Variants in CIAO3 observed in about 807,000 individuals in gnomAD.
CIAO3 encodes the protein cytosolic iron-sulfur assembly component 3.
CIAO3 carries 45 observed loss-of-function variants against 51.5 expected under a neutral mutation model. The ratio of observed to expected loss-of-function variants is 0.87; its 90% CI spans 0.69 to 1.12. CIAO3 has a LOEUF of 1.12. CIAO3 is among the 50% of genes most tolerant of loss of function. The probability of loss-of-function intolerance (pLI) is 0.00; values close to 1 mark genes in which losing one functional copy is unlikely to be tolerated. For missense variants in CIAO3, 668 were observed against 632.5 expected, an observed-to-expected ratio of 1.06 and a Z score of -0.60; for synonymous variants, 314 against 269.3, an observed-to-expected ratio of 1.17 and a Z score of -1.63.
chr16:732,644 C>CT (rs36119940), intron 7 of CIAO3: 103,147 of 426,668 alleles, frequency 0.24, 8,891 homozygotes, highest in East Asian at 0.62. Context: ...GTCTGCTTTT[C>CT]TTTTTTTTTT....
Position 736,269 on chromosome 16 carries a change from T to C in CIAO3, c.436A>G (p.Ile146Val). The C allele has an allele frequency of 1.9e-6, 3 of 1,612,554 alleles. No homozygotes were observed. The highest frequency in any genetic ancestry group is 2.5e-6 in the Non-Finnish European group (3 of 1,179,660). Residue 146 changes from isoleucine to valine, a missense_variant, in exon 4 of 11, where the codon ATA becomes GTA. Ile to Val is a conservative substitution (Grantham distance 29). Coordinates refer to ENST00000251588, the MANE Select transcript of CIAO3 (RefSeq NM_022493.3). Reference protein sequence around the residue: ...ARKLTSFFKKIGVHFVFDTAF... With the variant: ...ARKLTSFFKKVGVHFVFDTAF... The stretch of plus-strand genomic sequence containing the variant: ...TTACCCCAGGTTCAAAGCCTACCTA[T>C]TTTTTTAAAGAATGAGGTTAATTTC...
rs772004348 is a variant in CIAO3 at position 734,361 on chromosome 16, G to T, written c.575-14C>A. 5 of 1,589,078 alleles carry T rather than the reference G, an allele frequency of 3.1e-6. No homozygotes were observed. Among genetic ancestry groups the T allele is most frequent in the Middle Eastern group, 1.8e-4 (1 of 5,712 alleles). ...AGCAGATCCAGCCTGAGGTGACAGG[G>T]GGCACACGGGGCTGGCGGGGGCGCA... is the stretch of plus-strand genomic sequence containing the variant. On this transcript the variant is annotated splice_polypyrimidine_tract_variant and intron_variant, in intron 5 of 10. Coordinates refer to ENST00000251588, the MANE Select transcript of CIAO3 (RefSeq NM_022493.3).
intron 6 of CIAO3, chr16:733,867 C>T (rs1446101383): frequency 2.7e-6 from 1 of 369,882 alleles, no homozygotes; most frequent in East Asian, 6.6e-5. Flanking sequence ...CCGCCCCCTG[C>T]TGGCTGAGTG....
chr16:734,581 A>T, intron 5 of CIAO3, 156 bp downstream of exon 5: 1 of 1,378,802 alleles, frequency 7.3e-7, no homozygotes. Flanking sequence ...CCTCTTCTCC[A>T]GAAAAGGCCA....
chr16:737,738 G>C lies in CIAO3; in HGVS notation c.163-409C>G, dbSNP rs12597563. On this transcript the variant is annotated intron_variant, in intron 2 of 10. Coordinates refer to ENST00000251588, the MANE Select transcript of CIAO3 (RefSeq NM_022493.3). This position sits in a 1 kb window ranked among gnomAD's most constrained non-coding sequence, Gnocchi z 5.3. ...GAAAGCTGAGGACAAAGGAGGAAAGGACGAAGGCACAGGAAGAGGAGAGCA... is the reference window on the plus strand; with the variant it reads ...GAAAGCTGAGGACAAAGGAGGAAAGCACGAAGGCACAGGAAGAGGAGAGCA... 285,903 of 1,280,366 alleles carry C rather than the reference G, an allele frequency of 0.22. 39,947 individuals are homozygous for C. The highest frequency in any genetic ancestry group is 0.78 in the East Asian group (14,032 of 17,982). 79.3% of individuals were successfully genotyped at this position (1,280,366 alleles called of 1,614,324 possible).
chr16:737,159 A>G lies in CIAO3; in HGVS notation c.306+27T>C. On this transcript the variant is annotated intron_variant, in intron 3 of 10. Coordinates refer to ENST00000251588, the MANE Select transcript of CIAO3 (RefSeq NM_022493.3). This position sits in a 1 kb window ranked among gnomAD's most constrained non-coding sequence, Gnocchi z 5.3. ...GCTGGGATGGATTTCAGGTTAAAGCAGAGTCACCAGGCCGACCACTGCTTA... is the reference window on the plus strand; with the variant it reads ...GCTGGGATGGATTTCAGGTTAAAGCGGAGTCACCAGGCCGACCACTGCTTA... The G allele has an allele frequency of 6.2e-7, 1 of 1,613,004 alleles. No individual in the cohort carries two copies. The highest frequency in any genetic ancestry group is 1.1e-5 in the South Asian group (1 of 91,070).
Position 734,519 on chromosome 16 carries a change from G to A in CIAO3, c.575-172C>T, listed in dbSNP as rs527863565. On this transcript the variant is annotated intron_variant, in intron 5 of 10. Coordinates refer to ENST00000251588, the MANE Select transcript of CIAO3 (RefSeq NM_022493.3). ...ACCACGCGGAGCTCGGCGTGCAGGC[G>A]ACACCGCCTAGGGACCTGAGGTGAC... 5.5e-5 allele frequency: 50 copies of A among 917,052 alleles called. No individual in the cohort carries two copies. In the East Asian group the frequency reaches 8.7e-4, roughly 16 times the overall value. 56.8% of individuals were successfully genotyped at this position (917,052 alleles called of 1,614,324 possible).
rs765534572 is a variant in CIAO3, at chr16:730,812, G to A, written c.1192+31C>T. ...GCCCACAGCTCTGCTCCCAGAAGGG[G>A]TCCTCGTGTCCTGTCCCTTGCAGGA... is the stretch of plus-strand genomic sequence containing the variant. On this transcript the variant is annotated intron_variant, in intron 10 of 10. Transcript: ENST00000251588. The A allele has an allele frequency of 1.9e-6, 3 of 1,609,014 alleles. No individual in the cohort carries two copies. The Admixed American group carries it at 5.0e-5, about 27-fold the overall frequency.
At position 734,861 on chromosome 16, in the gene CIAO3, G is replaced by A. The variant is rs201302702; in HGVS notation, c.450C>T (p.Phe150=). The A allele has an allele frequency of 7.7e-6, 12 of 1,564,068 alleles. No homozygotes were observed. In the East Asian group the frequency reaches 2.0e-4, roughly 26 times the overall value. ...GCCTTGAGAAGGCGGTGTCGAAGAC[G>A]AAGTGCACCCCTGGAAGGTGAAGGT... The part of the protein sequence containing the change: ...TSFFKKIGVH[F]VFDTAFSRHF... Residue 150 remains phenylalanine (F), a synonymous_variant, in exon 5 of 11, where the codon TTC becomes TTT. Transcript: ENST00000251588.
intron 9 of CIAO3, 43 bp from the exon 10 acceptor site, chr16:731,043 AG>A (rs1262775846): frequency 6.2e-7 from 1 of 1,606,354 alleles, no homozygotes; most frequent in Non-Finnish European, 8.5e-7. Flanking sequence ...CACACCCACC[AG>A]GCTCCTGCCT....
In CIAO3 at chr16:740,961, G is replaced by C; in HGVS notation, c.25C>G (p.Leu9Val). MASPFSGA[L>V]QLTDLDDFIG... ...AAGTCATCCAGGTCCGTCAGCTGCA[G>C]CGCCCCGCTGAAGGGCGACGCCATG... The change falls in exon 1 of 11, where the codon CTG becomes GTG. Residue 9 changes from leucine (L) to valine (V), a missense_variant. Coordinates refer to ENST00000251588, the MANE Select transcript of CIAO3 (RefSeq NM_022493.3). The C allele has an allele frequency of 6.6e-7, 1 of 1,517,750 alleles. No individual in the cohort carries two copies. The highest frequency in any genetic ancestry group is 8.8e-7 in the Non-Finnish European group (1 of 1,136,584). The allele number at this position is 1,517,750 out of a possible 1,614,324, so 94.0% of individuals were successfully genotyped here.
intron 5 of CIAO3, 178 bp from the exon 6 acceptor site, chr16:734,525 G>C (rs748924723): frequency 1.1e-6 from 1 of 944,512 alleles, no homozygotes; most frequent in African/African-American, 1.6e-5. Context: ...AGGCGACACC[G>C]CCTAGGGACC....
chr16:736,530 T>C (rs1416339265), intron 3 of CIAO3, 132 bp from the exon 4 acceptor site: 19 of 1,168,746 alleles, frequency 1.6e-5, no homozygotes, highest in Non-Finnish European at 2.0e-5. Context: ...TTTTTTTTTT[T>C]TTAACACAGA....
In CIAO3 at chr16:737,481, C is replaced by T; in HGVS notation, c.163-152G>A. 1.8e-5 allele frequency: 27 copies of T among 1,520,472 alleles called. No homozygotes were observed. Among genetic ancestry groups the T allele is most frequent in the Non-Finnish European group, 2.3e-5 (26 of 1,136,946 alleles). The allele number at this position is 1,520,472 out of a possible 1,614,324, so 94.2% of individuals were successfully genotyped here. On this transcript the variant is annotated intron_variant, in intron 2 of 10. Coordinates refer to ENST00000251588, the MANE Select transcript of CIAO3 (RefSeq NM_022493.3). The surrounding 1 kb of genome is among the most constrained non-coding windows in gnomAD (Gnocchi z 5.3). The stretch of plus-strand genomic sequence containing the variant: ...ATTTTTAAAAATTAGGTATGTATTA[C>T]AAAAATGCACACGCACGCTCTACAG...
intron 7 of CIAO3, chr16:732,584 G>T (rs1043902669): frequency 1.5e-6 from 1 of 669,224 alleles, no homozygotes; most frequent in Non-Finnish European, 2.7e-6. Context: ...GTGTGCCAGC[G>T]GCCAGGCCAC....
rs1457698548 is a variant in CIAO3 at position 739,999 on chromosome 16, G to A, written c.67-261C>T. 4 of 1,469,306 alleles carry A rather than the reference G, an allele frequency of 2.7e-6. No homozygotes were observed. In the South Asian group the frequency reaches 3.6e-5, roughly 13 times the overall value. 91.0% of individuals were successfully genotyped at this position (1,469,306 alleles called of 1,614,324 possible). A position where few individuals can be genotyped will look rare whatever the true frequency, so the allele number is the denominator to read the frequency against. Reference sequence around the variant, plus strand: ...AACAGCGCCTGCAAACTACCCACCTGCGGAGACACCACCAACACTGACCTT... The same window carrying A: ...AACAGCGCCTGCAAACTACCCACCTACGGAGACACCACCAACACTGACCTT... On this transcript the variant is annotated intron_variant, in intron 1 of 10. Transcript: ENST00000251588.
Position 737,566 on chromosome 16 carries a change from G to A in CIAO3, c.163-237C>T. ...ACTTGGTTAGTGCATCCGAATCACA[G>A]GACTAAGGCTTGCCACTGGTATCTC... On this transcript the variant is annotated intron_variant, in intron 2 of 10. Transcript: ENST00000251588. The surrounding 1 kb of genome is among the most constrained non-coding windows in gnomAD (Gnocchi z 5.3). 6.7e-7 allele frequency: 1 copy of A among 1,482,048 alleles called. No individual in the cohort carries two copies. The highest frequency in any genetic ancestry group is 1.2e-5 in the South Asian group (1 of 82,750). The allele number at this position is 1,482,048 out of a possible 1,614,324, so 91.8% of individuals were successfully genotyped here. A position where few individuals can be genotyped will look rare whatever the true frequency, so the allele number is the denominator to read the frequency against.
Position 740,929 on chromosome 16 carries a change from C to G in CIAO3, c.57G>C (p.Gly19=). ...GCCCAGGCCGGCCCACCTGAGACGG[C>G]CCGATGAAGTCATCCAGGTCCGTCA... ...LQLTDLDDFI[G]PSQECIKPVK... Residue 19 remains glycine, a synonymous_variant, in exon 1 of 11, where the codon GGG becomes GGC. Coordinates refer to ENST00000251588, the MANE Select transcript of CIAO3 (RefSeq NM_022493.3). The G allele has an allele frequency of 6.5e-7, 1 of 1,528,536 alleles. No homozygotes were observed. Among genetic ancestry groups the G allele is most frequent in the Non-Finnish European group, 8.8e-7 (1 of 1,142,554 alleles). The allele number at this position is 1,528,536 out of a possible 1,614,324, so 94.7% of individuals were successfully genotyped here. A position where few individuals can be genotyped will look rare whatever the true frequency, so the allele number is the denominator to read the frequency against.
intron 3 of CIAO3, 125 bp from the exon 4 acceptor site, chr16:736,523 T>C: frequency 8.1e-7 from 1 of 1,239,940 alleles, no homozygotes; most frequent in Non-Finnish European, 1.1e-6. Flanking sequence ...AGAGTCTTTT[T>C]TTTTTTTTTA....
Sources: gnomAD v4.1 joint callset for allele counts on GRCh38, gnomAD v4.1.1 for gene constraint, Gnocchi (gnomAD v3.1) non-coding constraint, MANE v1.5 for transcripts, NCBI Gene and HGNC (gene_info 2026-07-23, HGNC 2026-07-21) for gene names.